The following PAM variants were observed in gnomAD, a reference collection of about 807,000 sequenced individuals.
PAM encodes peptidylglycine alpha-amidating monooxygenase.
Under a neutral mutation model 122.1 loss-of-function variants are expected in PAM, and 72 were observed. The observed-to-expected ratio is 0.59, with a 90% CI of 0.49 to 0.72. PAM has a LOEUF of 0.72. Ranked by LOEUF, PAM falls within the 30% of genes least tolerant of loss-of-function variation. PAM has a pLI of 0.00. For synonymous variants in PAM, 389 were observed against 404.4 expected, an observed-to-expected ratio of 0.96 and a Z score of 0.46; for missense variants, 1,106 against 1,183.7, an observed-to-expected ratio of 0.93 and a Z score of 0.96.
chr5:102,859,477 A>G (rs1482846837), intron 1 of PAM, among the ~76,000 whole-genome samples: 1 of 152,130 alleles, frequency 6.6e-6, no homozygotes, highest in South Asian at 2.1e-4. Flanking sequence ...TACTTGTACA[A>G]TGCATTTGTT....
At chr5:102,767,394 C>T (rs1754433451) in intron 1 of PAM, among the ~76,000 whole-genome samples, 2 of 152,108 alleles carry the variant, frequency 1.3e-5, no homozygotes, top group South Asian at 4.1e-4. Context: ...CTTCATCTGG[C>T]CTCTTATTCT....
intron 17 of PAM, among the ~76,000 whole-genome samples, chr5:103,004,106 G>C (rs1289328200): frequency 6.6e-6 from 1 of 152,128 alleles, no homozygotes; most frequent in South Asian, 2.1e-4. Context: ...TAGCTTCTTC[G>C]CAAGGTGGAT....
chr5:102,877,437 A>G (rs1311110740), intron 3 of PAM, among the ~76,000 whole-genome samples: 1 of 152,214 alleles, frequency 6.6e-6, no homozygotes, highest in East Asian at 1.9e-4. Context: ...CACATTATGG[A>G]AACAGGTTAG....
chr5:102,979,380 C>A (rs1246481736), intron 15 of PAM, among the ~76,000 whole-genome samples: 4 of 152,052 alleles, frequency 2.6e-5, no homozygotes, highest in Non-Finnish European at 5.9e-5. Context: ...ATAAATATTT[C>A]TACAATAGTT....
chr5:102,881,129 T>C (rs368055495), intron 3 of PAM, among the ~76,000 whole-genome samples: 14 of 145,798 alleles, frequency 9.6e-5, no homozygotes, highest in South Asian at 6.6e-4. Flanking sequence ...TTTTTATACA[T>C]ACACACACAC....
At chr5:103,028,780 C>G in intron 25 of PAM, 107 bp from the exon 26 acceptor site, 1 of 670,580 alleles carries the variant, frequency 1.5e-6, no homozygotes, top group Non-Finnish European at 2.6e-6. Flanking sequence ...ATAAAATAAT[C>G]TCCCCTTTCC....
intron 1 of PAM, among the ~76,000 whole-genome samples, chr5:102,817,294 A>G (rs1461077036): frequency 6.6e-6 from 1 of 151,950 alleles, no homozygotes; most frequent in Non-Finnish European, 1.5e-5. Context: ...ATACTTCATC[A>G]CTCTAGTTTT....
At chr5:102,824,954 G>A (rs1773148952) in intron 1 of PAM, among the ~76,000 whole-genome samples, 1 of 152,138 alleles carries the variant, frequency 6.6e-6, no homozygotes, top group Non-Finnish European at 1.5e-5. Context: ...GAAATGGTCA[G>A]GAAGTGGGAA....
intron 4 of PAM, among the ~76,000 whole-genome samples, chr5:102,909,697 A>G (rs1800793855): frequency 6.6e-6 from 1 of 151,910 alleles, no homozygotes. Flanking sequence ...GTAATAATTT[A>G]AAGTCCAGGC....
At chr5:102,831,199 G>A (rs1775344165) in intron 1 of PAM, among the ~76,000 whole-genome samples, 2 of 152,024 alleles carry the variant, frequency 1.3e-5, no homozygotes, top group Non-Finnish European at 2.9e-5. Context: ...TTATTATAAT[G>A]TTCATGGAAA....
At chr5:102,763,717 G>C (rs1753070742) in intron 1 of PAM, among the ~76,000 whole-genome samples, 1 of 152,158 alleles carries the variant, frequency 6.6e-6, no homozygotes, top group South Asian at 2.1e-4. Flanking sequence ...TTTACAGAAG[G>C]GAACAGAATG....
At position 102,979,129 on chromosome 5, in the gene PAM, T is replaced by C. The variant is rs151234541; in HGVS notation, c.1483+4693T>C. On this transcript the variant is annotated intron_variant, in intron 15 of 25. Transcript: ENST00000438793. ...AAGATGATTTTTTCTAGTCATCTGA[T>C]TATCTCAGGCTACAATTGTAATAAC... Among the ~76,000 whole-genome samples the C allele has an allele frequency of 1.4e-4, 21 of 152,128 alleles. No individual in the cohort carries two copies. In the East Asian group the frequency reaches 3.7e-3, roughly 27 times the overall value.
intron 1 of PAM, among the ~76,000 whole-genome samples, chr5:102,825,418 A>G (rs1262893271): frequency 6.6e-6 from 1 of 152,208 alleles, no homozygotes; most frequent in Admixed American, 6.5e-5. Context: ...AGAATCAAAG[A>G]TAATCTTAGA....
chr5:102,969,821 G>A (rs1765278099), intron 14 of PAM, among the ~76,000 whole-genome samples: 1 of 152,182 alleles, frequency 6.6e-6, no homozygotes, highest in Non-Finnish European at 1.5e-5. Flanking sequence ...AGGCTTGGTA[G>A]TCATGTGCCT....
chr5:102,950,670 A>G (rs1758565348), intron 11 of PAM, 47 bp from the exon 12 acceptor site: 2 of 1,146,852 alleles, frequency 1.7e-6, no homozygotes, highest in African/African-American at 3.0e-5. Flanking sequence ...GTAGTTCTGG[A>G]TTTTATTGGT....
intron 16 of PAM, among the ~76,000 whole-genome samples, chr5:102,992,012 T>G (rs997009778): frequency 6.6e-6 from 1 of 152,122 alleles, no homozygotes; most frequent in Non-Finnish European, 1.5e-5. Flanking sequence ...TGATATTCAT[T>G]TCCAAGTAAA....
chr5:102,954,924 CT>C (rs1367692296), intron 12 of PAM, among the ~76,000 whole-genome samples: 1 of 152,032 alleles, frequency 6.6e-6, no homozygotes, highest in Non-Finnish European at 1.5e-5. Context: ...CAACATAGCA[CT>C]TTAATCTGCA....
chr5:102,833,605 T>C (rs1776064004), intron 1 of PAM, among the ~76,000 whole-genome samples: 1 of 152,184 alleles, frequency 6.6e-6, no homozygotes, highest in South Asian at 2.1e-4. Flanking sequence ...TCAATAAGCA[T>C]AATCCTGAAA....
intron 1 of PAM, among the ~76,000 whole-genome samples, chr5:102,789,346 T>C (rs923660518): frequency 3.9e-5 from 6 of 152,164 alleles, no homozygotes; most frequent in Non-Finnish European, 8.8e-5. Context: ...CCAGTGTTTA[T>C]TGTAGCATTA....
Sources: allele counts gnomAD v4.1 joint callset (sites outside exome capture counted in the v4.1 genomes callset), GRCh38; gene constraint gnomAD v4.1.1; transcripts MANE v1.5; gene names NCBI Gene and HGNC (gene_info 2026-07-23, HGNC 2026-07-21).